Variants in ZNF343 observed in about 807,000 individuals in gnomAD.
The protein encoded by ZNF343 is zinc finger protein 343.
ZNF343 carries 11 observed loss-of-function variants against 13.8 expected under a neutral mutation model. That is an observed-to-expected ratio of 0.80 (90% CI 0.50 to 1.32). ZNF343 has a LOEUF of 1.32. Among genes scored for constraint, ZNF343 ranks in the 40% most tolerant of loss-of-function variants. ZNF343 has a pLI of 0.00. For synonymous variants in ZNF343, 248 were observed against 260.0 expected (o/e 0.95, Z 0.44); for missense variants, 658 against 714.2 (o/e 0.92, Z 0.90).
At chr20:2,485,780 G>A (rs1404892261) in intron 5 of ZNF343, among the ~76,000 whole-genome samples, 1 of 152,138 alleles carries the variant, frequency 6.6e-6, no homozygotes, top group Non-Finnish European at 1.5e-5. Context: ...ACAAGGCACC[G>A]ACCAGTGCTG....
chr20:2,488,012 T>C (rs941826311), intron 5 of ZNF343, among the ~76,000 whole-genome samples: 3 of 152,370 alleles, frequency 2.0e-5, no homozygotes, highest in Non-Finnish European at 4.4e-5. Context: ...GGTTTTAGGG[T>C]TCTTCTCTTT....
chr20:2,514,188 A>C (rs2085749829), intron 1 of ZNF343, among the ~76,000 whole-genome samples: 1 of 152,252 alleles, frequency 6.6e-6, no homozygotes, highest in South Asian at 2.1e-4. Context: ...TTGTGAATGT[A>C]CTGAATGACT....
chr20:2,512,676 A>G (rs377259717), upstream of ZNF343, among the ~76,000 whole-genome samples: 41 of 152,200 alleles, frequency 2.7e-4, no homozygotes, highest in Admixed American at 7.2e-4. Context: ...AAGACTATAA[A>G]GATCTAAATA....
At chr20:2,512,326 G>A (rs1332972204), upstream of ZNF343, among the ~76,000 whole-genome samples, 2 of 152,122 alleles carry the variant, frequency 1.3e-5, no homozygotes, top group African/African-American at 2.4e-5. Context: ...TGATCCTAAA[G>A]TTCGTATGGA....
rs556914126 is a variant in ZNF343 at position 2,499,240 on chromosome 20, C to T, written c.-150+1416G>A. Among the ~76,000 whole-genome samples the T allele has an allele frequency of 1.8e-3, 267 of 148,420 alleles. 5 individuals carry two copies. The highest frequency in any genetic ancestry group is 5.3e-3 in the African/African-American group (217 of 40,848). The stretch of plus-strand genomic sequence containing the variant: ...CAGCACTTTGGGAGGCCGAGGTGGG[C>T]GGATCACGAGGTCAGGAGATCGAGA... On this transcript the variant is annotated intron_variant, in intron 2 of 5. Transcript: ENST00000278772.
At position 2,483,000 on chromosome 20, in the gene ZNF343, C is replaced by T. The variant is rs114062258; in HGVS notation, c.*161G>A. The T allele has an allele frequency of 5.3e-4, 439 of 831,658 alleles. 1 individual carries two copies. The African/African-American group carries it at 6.1e-3, about 12-fold the overall frequency. The allele number at this position is 831,658 out of a possible 1,614,324, so 51.5% of individuals were successfully genotyped here. A position where few individuals can be genotyped will look rare whatever the true frequency, so the allele number is the denominator to read the frequency against. ...ATACTCATAAGGCTCCTCTCCTGAA[C>T]GTGTCCCTCCCATGCCTGATAAGGG... On this transcript the variant is annotated 3_prime_UTR_variant, in exon 6 of 6. Coordinates refer to ENST00000278772, the MANE Select transcript of ZNF343 (RefSeq NM_024325.6).
At chr20:2,486,032 C>T (rs578007292) in intron 5 of ZNF343, among the ~76,000 whole-genome samples, 224 of 152,312 alleles carry the variant, frequency 1.5e-3, no homozygotes, top group South Asian at 3.7e-3. Context: ...TACTTTGTGA[C>T]GTGAACTTTT....
intron 1 of ZNF343, among the ~76,000 whole-genome samples, chr20:2,514,052 C>T (rs1019682487): frequency 6.6e-5 from 10 of 151,832 alleles, no homozygotes; most frequent in East Asian, 3.8e-4. Context: ...ATTGCCATAA[C>T]GGGATGTCTT....
chr20:2,492,782 G>A lies in ZNF343; in HGVS notation c.221C>T (p.Ala74Val). 6.2e-7 allele frequency: 1 copy of A among 1,613,680 alleles called. No homozygotes were observed. Among genetic ancestry groups the A allele is most frequent in the Non-Finnish European group, 8.5e-7 (1 of 1,179,934 alleles). ...CTCTGGACTCAGTCTCTTCCATTCT[G>A]CTTCTGTGAAGATCACAGTCACATC... ...FRDVTVIFTE[A>V]EWKRLSPEQR... is the part of the protein sequence containing the mutation. Residue 74 changes from alanine to valine, a missense_variant, in exon 5 of 6, where the codon GCA becomes GTA. Physicochemically the swap from Ala to Val is moderately conservative, Grantham distance 64 (BLOSUM62 0). Coordinates refer to ENST00000278772, the MANE Select transcript of ZNF343 (RefSeq NM_024325.6).
At chr20:2,503,373 C>T (rs539134309) in intron 1 of ZNF343, among the ~76,000 whole-genome samples, 6 of 152,110 alleles carry the variant, frequency 3.9e-5, no homozygotes, top group Non-Finnish European at 8.8e-5. Flanking sequence ...GACTTTAACA[C>T]CCCACTATCA....
chr20:2,503,875 C>G (rs1328238840), intron 1 of ZNF343, among the ~76,000 whole-genome samples: 1 of 151,796 alleles, frequency 6.6e-6, no homozygotes, highest in Non-Finnish European at 1.5e-5. Context: ...CTAAAACTGA[C>G]ACCCTAACAT....
chr20:2,482,946 T>C lies in ZNF343; in HGVS notation c.*215A>G, dbSNP rs3746687. On this transcript the variant is annotated 3_prime_UTR_variant, in exon 6 of 6. Coordinates refer to ENST00000278772, the MANE Select transcript of ZNF343 (RefSeq NM_024325.6). Reference sequence around the variant, plus strand: ...GTGTCCTTTTGTGCATGCTCAAGGCTGACTGATGGCTACAGTTGCCCGTAC... The same window carrying C: ...GTGTCCTTTTGTGCATGCTCAAGGCCGACTGATGGCTACAGTTGCCCGTAC... 0.73 allele frequency: 425,068 copies of C among 581,924 alleles called. 158,630 individuals carry two copies. Among genetic ancestry groups the C allele is most frequent in the Non-Finnish European group, 0.79 (264,377 of 336,342 alleles). The allele number at this position is 581,924 out of a possible 1,614,324, so 36.0% of individuals were successfully genotyped here. A position where few individuals can be genotyped will look rare whatever the true frequency, so the allele number is the denominator to read the frequency against.
chr20:2,496,254 A>G (rs2122637427), intron 2 of ZNF343, among the ~76,000 whole-genome samples: 1 of 152,282 alleles, frequency 6.6e-6, no homozygotes, highest in East Asian at 1.9e-4. Context: ...AATGTGAGGG[A>G]GTGATTCATG....
intron 1 of ZNF343, among the ~76,000 whole-genome samples, chr20:2,520,749 C>T (rs1190290858): frequency 6.6e-6 from 1 of 152,188 alleles, no homozygotes; most frequent in Non-Finnish European, 1.5e-5. Context: ...AACATGGGGA[C>T]TCGTCTTCTA....
chr20:2,497,588 G>A (rs6076215), intron 2 of ZNF343, among the ~76,000 whole-genome samples: 64,264 of 152,066 alleles, frequency 0.42, 13,809 homozygotes, highest in Non-Finnish European at 0.45. Flanking sequence ...GGTGACCTTG[G>A]CAAGAACAGT....
rs145417934 is a variant in ZNF343, at chr20:2,498,788, C to A, written c.-150+1868G>T. 7.5e-3 allele frequency among the ~76,000 whole-genome samples: 1,139 copies of A among 152,286 alleles called. 13 individuals carry two copies. The highest frequency in any genetic ancestry group is 0.026 in the African/African-American group (1,082 of 41,568). ...CATTATACAGATGAGGAGTAGAAAG[C>A]ACAGAGAGTGAAATAATGTCTCCAG... On this transcript the variant is annotated intron_variant, in intron 2 of 5. Coordinates refer to ENST00000278772, the MANE Select transcript of ZNF343 (RefSeq NM_024325.6).
At chr20:2,521,063 CT>C (rs2085780249) in intron 1 of ZNF343, among the ~76,000 whole-genome samples, 1 of 152,122 alleles carries the variant, frequency 6.6e-6, no homozygotes, top group Non-Finnish European at 1.5e-5. Flanking sequence ...TAGACTTAGC[CT>C]TTGGGACAAG....
chr20:2,484,434 C>A lies in ZNF343; in HGVS notation c.527G>T (p.Gly176Val). 1 of 1,614,186 alleles carries A rather than the reference C, an allele frequency of 6.2e-7. No homozygotes were observed. Among genetic ancestry groups the A allele is most frequent in the East Asian group, 2.2e-5 (1 of 44,878 alleles). ...ENAEGQERGG[G>V]SKPWSARTEE... ...TGTCCTTGCAGACCAGGGTTTGGAG[C>A]CACCTCCTCTCTCCTGACCTTCTGC... The change falls in exon 6 of 6, where the codon GGC (glycine) becomes GTC (valine). Residue 176 changes from glycine (G) to valine (V), a missense_variant. Gly to Val is a moderately radical substitution (Grantham distance 109). Coordinates refer to ENST00000278772, the MANE Select transcript of ZNF343 (RefSeq NM_024325.6).
At chr20:2,493,638 G>T in intron 3 of ZNF343, 61 bp from the exon 4 acceptor site, 1 of 1,300,472 alleles carries the variant, frequency 7.7e-7, no homozygotes, top group South Asian at 1.2e-5. Context: ...CCCCCACCAT[G>T]ACGCTCCCTG....
Sources: gnomAD v4.1 joint callset for allele counts (sites outside exome capture counted in the v4.1 genomes callset) on GRCh38, gnomAD v4.1.1 for gene constraint, MANE v1.5 for transcripts, NCBI Gene and HGNC (gene_info 2026-07-23, HGNC 2026-07-21) for gene names.